Variants in C1GALT1 observed in about 807,000 individuals in gnomAD.
The protein encoded by C1GALT1 is core 1 synthase, glycoprotein-N-acetylgalactosamine 3-beta-galactosyltransferase 1.
In C1GALT1, 11 loss-of-function variants were observed where a neutral mutation model predicts 31.0. That is an observed-to-expected ratio of 0.36 (90% CI 0.22 to 0.59). The LOEUF is 0.59. Ranked by LOEUF, C1GALT1 falls within the 20% of genes least tolerant of loss-of-function variation. C1GALT1 has a pLI of 0.79. For missense variants in C1GALT1, 424 were observed against 425.2 expected, an observed-to-expected ratio of 1.00 and a Z score of 0.03; for synonymous variants, 175 against 143.6, an observed-to-expected ratio of 1.22 and a Z score of -1.56.
intron 2 of C1GALT1, among the ~76,000 whole-genome samples, chr7:7,173,160 C>G (rs902236147): frequency 6.6e-6 from 1 of 152,074 alleles, no homozygotes; most frequent in Admixed American, 6.6e-5. Context: ...GAAGCAGATC[C>G]TTCATGAATG....
At chr7:7,208,696 C>G (rs908093364) in intron 1 of C1GALT1, among the ~76,000 whole-genome samples, 4 of 152,170 alleles carry the variant, frequency 2.6e-5, no homozygotes, top group Admixed American at 6.5e-5. Context: ...TCTTCGTGAT[C>G]AGAAGTAGCA....
intron 2 of C1GALT1, among the ~76,000 whole-genome samples, chr7:7,175,698 C>G (rs1780498689): frequency 6.6e-6 from 1 of 152,124 alleles, no homozygotes; most frequent in East Asian, 1.9e-4. Flanking sequence ...GCTACTGTAA[C>G]AAAATACCAC....
intron 1 of C1GALT1, among the ~76,000 whole-genome samples, chr7:7,204,591 T>G (rs998064810): frequency 3.3e-5 from 5 of 152,134 alleles, no homozygotes; most frequent in African/African-American, 1.2e-4. Context: ...TTATTTCTTC[T>G]GCTAGCTTTG....
At chr7:7,216,345 C>G (rs1285274945) in intron 1 of C1GALT1, among the ~76,000 whole-genome samples, 1 of 152,116 alleles carries the variant, frequency 6.6e-6, no homozygotes, top group Non-Finnish European at 1.5e-5. Flanking sequence ...ATGTGCTCCC[C>G]CATGGTTGTA....
rs750439138 is a variant in C1GALT1, at chr7:7,238,759, C to T, written c.725C>T (p.Ala242Val). 1.9e-6 allele frequency: 3 copies of T among 1,613,724 alleles called. No individual in the cohort carries two copies. The highest frequency in any genetic ancestry group is 2.2e-5 in the South Asian group (2 of 91,034). ...CATAGTTCCTCCATTGAAGACTTAGCACTGGGGAGATGCATGGAAATTATG... is the reference window on the plus strand; with the variant it reads ...CATAGTTCCTCCATTGAAGACTTAGTACTGGGGAGATGCATGGAAATTATG... ...CTHSSSIEDL[A>V]LGRCMEIMNV... Residue 242 changes from alanine to valine, a missense_variant, in exon 3 of 4, where the codon GCA (alanine) becomes GTA (valine). Ala to Val is a moderately conservative substitution (Grantham distance 64). Coordinates refer to ENST00000436587, the MANE Select transcript of C1GALT1 (RefSeq NM_020156.5). This position sits in a 1 kb window ranked among gnomAD's most constrained non-coding sequence, Gnocchi z 5.2.
chr7:7,178,929 A>G (rs1037999164), upstream of C1GALT1, among the ~76,000 whole-genome samples: 3 of 152,202 alleles, frequency 2.0e-5, no homozygotes, highest in African/African-American at 7.2e-5. Context: ...GGAGCACCTT[A>G]GCTGAATGGT....
intron 2 of C1GALT1, among the ~76,000 whole-genome samples, chr7:7,162,548 C>G (rs895782423): frequency 6.6e-6 from 1 of 151,808 alleles, no homozygotes; most frequent in African/African-American, 2.4e-5. Context: ...CAAGTCTTTG[C>G]TATTGTGAAT....
chr7:7,213,152 T>C (rs1468876482), intron 1 of C1GALT1, among the ~76,000 whole-genome samples: 1 of 152,212 alleles, frequency 6.6e-6, no homozygotes, highest in East Asian at 1.9e-4. Flanking sequence ...CCATATCTTC[T>C]TTCTCAATTT....
At chr7:7,218,777 C>T (rs1782368579) in intron 1 of C1GALT1, among the ~76,000 whole-genome samples, 1 of 151,922 alleles carries the variant, frequency 6.6e-6, no homozygotes, top group South Asian at 2.1e-4. Flanking sequence ...CCAAAGATTA[C>T]AGAAAACCTT....
intron 1 of C1GALT1, among the ~76,000 whole-genome samples, chr7:7,228,399 G>C (rs1025127145): frequency 6.6e-6 from 1 of 152,148 alleles, no homozygotes; most frequent in Non-Finnish European, 1.5e-5. Context: ...TACACATCAG[G>C]TTTGGAAGCA....
At chr7:7,226,290 T>G (rs964291557) in intron 1 of C1GALT1, among the ~76,000 whole-genome samples, 3 of 152,150 alleles carry the variant, frequency 2.0e-5, no homozygotes, top group African/African-American at 7.2e-5. Flanking sequence ...ATGCAGCAAA[T>G]GAATGCCATA....
At chr7:7,191,131 C>A (rs765520960) in intron 1 of C1GALT1, among the ~76,000 whole-genome samples, 3 of 152,094 alleles carry the variant, frequency 2.0e-5, no homozygotes, top group African/African-American at 7.2e-5. Flanking sequence ...TCCGTTTAAA[C>A]GATAGCTCTC....
intron 1 of C1GALT1, among the ~76,000 whole-genome samples, chr7:7,229,702 T>A (rs1410898232): frequency 6.6e-6 from 1 of 152,218 alleles, no homozygotes; most frequent in Non-Finnish European, 1.5e-5. Flanking sequence ...GGATATGTTT[T>A]ATTGTATCTT....
At chr7:7,218,274 T>A (rs1168459309) in intron 1 of C1GALT1, among the ~76,000 whole-genome samples, 1 of 152,066 alleles carries the variant, frequency 6.6e-6, no homozygotes, top group Non-Finnish European at 1.5e-5. Context: ...GGCTTAGGGA[T>A]GGGGAATGTC....
intron 1 of C1GALT1, among the ~76,000 whole-genome samples, chr7:7,220,512 A>G (rs1246780714): frequency 6.6e-6 from 1 of 150,642 alleles, no homozygotes; most frequent in African/African-American, 2.4e-5. Flanking sequence ...TCATGTCTTT[A>G]AAGTATCTTT....
chr7:7,247,377 A>C lies in C1GALT1; in HGVS notation c.*3650A>C, dbSNP rs556707585. 40 of 152,222 alleles carry C rather than the reference A, an allele frequency of 2.6e-4. No individual in the cohort carries two copies. Among genetic ancestry groups the C allele is most frequent in the Admixed American group, 2.1e-3 (32 of 15,284 alleles). 9.4% of individuals were successfully genotyped at this position (152,222 alleles called of 1,614,324 possible). A position where few individuals can be genotyped will look rare whatever the true frequency, so the allele number is the denominator to read the frequency against. On this transcript the variant is annotated 3_prime_UTR_variant, in exon 4 of 4. Coordinates refer to ENST00000436587, the MANE Select transcript of C1GALT1 (RefSeq NM_020156.5). ...GGTATGCTTGTATTTTCTAGTGGGA[A>C]GTTCATAGATAAAGCAGATTTTTGT...
At chr7:7,237,034 C>T (rs987149752) in intron 2 of C1GALT1, among the ~76,000 whole-genome samples, 1 of 152,142 alleles carries the variant, frequency 6.6e-6, no homozygotes, top group Non-Finnish European at 1.5e-5. Flanking sequence ...CATTCTGGTC[C>T]TATAACTAAA....
chr7:7,195,183 T>C (rs967866412), intron 1 of C1GALT1, among the ~76,000 whole-genome samples: 6 of 152,216 alleles, frequency 3.9e-5, no homozygotes, highest in Non-Finnish European at 8.8e-5. Context: ...CATTTAGTTC[T>C]GTTCTGATCT....
At chr7:7,193,924 T>A (rs79991663) in intron 1 of C1GALT1, among the ~76,000 whole-genome samples, 276 of 152,168 alleles carry the variant, frequency 1.8e-3, no homozygotes, top group African/African-American at 6.4e-3. Context: ...ATTTTATTTT[T>A]TTTTTGCAGA....
Sources: gnomAD v4.1 joint callset for allele counts (sites outside exome capture counted in the v4.1 genomes callset) on GRCh38, gnomAD v4.1.1 for gene constraint, Gnocchi (gnomAD v3.1) non-coding constraint, MANE v1.5 for transcripts, NCBI Gene and HGNC (gene_info 2026-07-23, HGNC 2026-07-21) for gene names.